Variants in ANTXR1 observed in about 807,000 individuals in gnomAD.
ANTXR1 encodes the protein anthrax toxin receptor 1.
In ANTXR1, 19 loss-of-function variants were observed where a neutral mutation model predicts 78.1. The observed-to-expected ratio is 0.24, with a 90% confidence interval of 0.17 to 0.36. The LOEUF is 0.36. ANTXR1 is among the 10% of genes least tolerant of loss of function. ANTXR1 has a pLI of 1.00. For missense variants in ANTXR1, 518 were observed against 718.6 expected (o/e 0.72, Z 3.19); for synonymous variants, 273 against 260.5 (o/e 1.05, Z -0.46).
chr2:69,083,125 G>T (rs1001724078), intron 8 of ANTXR1, among the ~76,000 whole-genome samples: 1 of 152,118 alleles, frequency 6.6e-6, no homozygotes, highest in Non-Finnish European at 1.5e-5. Flanking sequence ...TCTGGCCCAG[G>T]CCCTAACAAA....
At chr2:69,149,136 G>C (rs972145390) in intron 12 of ANTXR1, among the ~76,000 whole-genome samples, 4 of 152,176 alleles carry the variant, frequency 2.6e-5, no homozygotes, top group African/African-American at 9.7e-5. Context: ...CTTTATCCCA[G>C]AGCAGTCTTC....
At position 69,013,762 on chromosome 2, in the gene ANTXR1, G is replaced by T. The variant is rs1573764588; in HGVS notation, c.152+111G>T. 3.3e-6 allele frequency: 5 copies of T among 1,514,936 alleles called. No homozygotes were observed. Among genetic ancestry groups the T allele is most frequent in the East Asian group, 2.5e-5 (1 of 40,676 alleles). 93.8% of individuals were successfully genotyped at this position (1,514,936 alleles called of 1,614,324 possible). ...CTGGGGACAGGAGCGCATCTCCAGGGCCACAGAGGGACCGCGCGGCAGGCG... is the reference window on the plus strand; with the variant it reads ...CTGGGGACAGGAGCGCATCTCCAGGTCCACAGAGGGACCGCGCGGCAGGCG... On this transcript the variant is annotated intron_variant, in intron 1 of 17. Coordinates refer to ENST00000303714, the MANE Select transcript of ANTXR1 (RefSeq NM_032208.3). The surrounding 1 kb of genome is among the most constrained non-coding windows in gnomAD (Gnocchi z 5.0).
chr2:69,047,580 C>G (rs1256239730), intron 3 of ANTXR1, among the ~76,000 whole-genome samples: 1 of 151,954 alleles, frequency 6.6e-6, no homozygotes, highest in Non-Finnish European at 1.5e-5. Context: ...CTTTGCAGAG[C>G]TTCTTGAATC....
chr2:69,101,563 A>G (rs184034324), intron 9 of ANTXR1, among the ~76,000 whole-genome samples: 3 of 152,268 alleles, frequency 2.0e-5, no homozygotes, highest in Admixed American at 6.5e-5. Flanking sequence ...AATTAGCATT[A>G]GTTATTATTG....
intron 9 of ANTXR1, among the ~76,000 whole-genome samples, chr2:69,098,841 C>A (rs778574241): frequency 4.6e-5 from 7 of 152,128 alleles, no homozygotes; most frequent in Non-Finnish European, 1.0e-4. Context: ...CAAAAATTAG[C>A]CCGGTGTACT....
chr2:69,214,631 C>A (rs1055663142), intron 17 of ANTXR1, among the ~76,000 whole-genome samples: 2 of 152,206 alleles, frequency 1.3e-5, no homozygotes, highest in Non-Finnish European at 2.9e-5. Context: ...CTCCATTTTG[C>A]TCTTCTCCTC....
At chr2:69,037,545 C>T (rs2104059196) in intron 1 of ANTXR1, among the ~76,000 whole-genome samples, 1 of 152,310 alleles carries the variant, frequency 6.6e-6, no homozygotes, top group South Asian at 2.1e-4. Flanking sequence ...TCTCAGCTCA[C>T]TGCAACCTCA....
At chr2:69,166,133 A>G (rs9677512) in intron 13 of ANTXR1, among the ~76,000 whole-genome samples, 30,836 of 152,076 alleles carry the variant, frequency 0.2, 4,481 homozygotes, top group East Asian at 0.48. Flanking sequence ...CAAACTCAGG[A>G]GTGCACATAA....
At chr2:69,110,316 T>G (rs1437760028) in intron 10 of ANTXR1, among the ~76,000 whole-genome samples, 1 of 152,092 alleles carries the variant, frequency 6.6e-6, no homozygotes, top group Non-Finnish European at 1.5e-5. Context: ...TTACAAAGAC[T>G]TGGCCACAAG....
chr2:69,055,164 T>C (rs1262919354), intron 3 of ANTXR1, among the ~76,000 whole-genome samples: 1 of 152,304 alleles, frequency 6.6e-6, no homozygotes, highest in African/African-American at 2.4e-5. Flanking sequence ...CAAATCCTCC[T>C]GGACAAATCC....
chr2:69,024,888 A>G (rs1671297178), intron 1 of ANTXR1, among the ~76,000 whole-genome samples: 1 of 152,194 alleles, frequency 6.6e-6, no homozygotes. Flanking sequence ...TAGAACACAA[A>G]TCTGATGTCG....
At chr2:69,163,785 C>A (rs1478782979) in intron 13 of ANTXR1, among the ~76,000 whole-genome samples, 1 of 152,212 alleles carries the variant, frequency 6.6e-6, no homozygotes, top group East Asian at 1.9e-4. Context: ...CCCCAGGTCA[C>A]TACTGGTGGC....
chr2:69,122,408 C>G (rs1672377036), intron 10 of ANTXR1, among the ~76,000 whole-genome samples: 1 of 152,156 alleles, frequency 6.6e-6, no homozygotes, highest in African/African-American at 2.4e-5. Flanking sequence ...AGACGTGGAA[C>G]TCCTTAGGAC....
chr2:69,196,209 C>A (rs1458781583), intron 17 of ANTXR1, among the ~76,000 whole-genome samples: 2 of 152,172 alleles, frequency 1.3e-5, no homozygotes, highest in African/African-American at 4.8e-5. Flanking sequence ...CCACCTTGAA[C>A]TTTTATTCTC....
intron 9 of ANTXR1, among the ~76,000 whole-genome samples, chr2:69,101,144 G>A (rs1044692945): frequency 1.3e-5 from 2 of 152,150 alleles, no homozygotes; most frequent in Admixed American, 1.3e-4. Context: ...GGCACATGTA[G>A]TGTCTCTGTA....
intron 12 of ANTXR1, among the ~76,000 whole-genome samples, chr2:69,150,739 C>T (rs111460680): frequency 4.6e-5 from 7 of 152,102 alleles, no homozygotes; most frequent in African/African-American, 1.4e-4. Context: ...GACAATATGG[C>T]TGGGCAGAAT....
intron 12 of ANTXR1, among the ~76,000 whole-genome samples, chr2:69,145,157 CA>C (rs1673187446): frequency 6.6e-6 from 1 of 152,188 alleles, no homozygotes; most frequent in African/African-American, 2.4e-5. Flanking sequence ...TGATGGCAGG[CA>C]GGGGGCCTGT....
intron 9 of ANTXR1, among the ~76,000 whole-genome samples, 199 bp downstream of exon 9, chr2:69,091,118 TAA>T (rs199910182): frequency 3.1e-3 from 427 of 138,828 alleles, no homozygotes; most frequent in Middle Eastern, 3.9e-3. Context: ...GTTTGGAAGT[TAA>T]AAAAAAAAAA....
intron 13 of ANTXR1, among the ~76,000 whole-genome samples, chr2:69,167,888 C>T (rs1023439893): frequency 6.6e-6 from 1 of 152,128 alleles, no homozygotes; most frequent in Non-Finnish European, 1.5e-5. Context: ...GTTTTGGGTT[C>T]CTTAGGGTCT....
Sources: allele counts gnomAD v4.1 joint callset (sites outside exome capture counted in the v4.1 genomes callset), GRCh38; gene constraint gnomAD v4.1.1; non-coding constraint Gnocchi (gnomAD v3.1); transcripts MANE v1.5; gene names NCBI Gene and HGNC (gene_info 2026-07-23, HGNC 2026-07-21).